LOC728743: variants seen among roughly 807,000 people sequenced by gnomAD.
chr7:150,409,547 G>A, the LOC728743 span, among the ~76,000 whole-genome samples: 35,208 of 152,194 alleles, frequency 0.23, 4,378 homozygotes, highest in East Asian at 0.41. Flanking sequence ...GGTACTTAGG[G>A]GTACAACAGG....
At chr7:150,410,993 G>C in the LOC728743 span, 1 of 152,226 alleles carries the variant, frequency 6.6e-6, no homozygotes, top group African/African-American at 2.4e-5. Context: ...CAGACCTAAC[G>C]AATGGTGCGT....
chr7:150,402,492 G>C, the LOC728743 span, among the ~76,000 whole-genome samples: 1 of 152,234 alleles, frequency 6.6e-6, no homozygotes, highest in Non-Finnish European at 1.5e-5. Flanking sequence ...GCTTGCAGAG[G>C]AGCATACCTT....
At chr7:150,411,114 A>C in the LOC728743 span, 2 of 152,278 alleles carry the variant, frequency 1.3e-5, no homozygotes, top group African/African-American at 4.8e-5. Context: ...GCTGGCTTCC[A>C]CAAAGGAGCC....
chr7:150,406,224 G>C, the LOC728743 span, among the ~76,000 whole-genome samples: 621 of 152,342 alleles, frequency 4.1e-3, 4 homozygotes, highest in African/African-American at 0.014. Context: ...GGTTGACTGA[G>C]GCTGGAAGTG....
chr7:150,403,716 G>T, the LOC728743 span, among the ~76,000 whole-genome samples: 3 of 152,194 alleles, frequency 2.0e-5, no homozygotes, highest in Admixed American at 1.3e-4. This position sits in a 1 kb window ranked among gnomAD's most constrained non-coding sequence, Gnocchi z 5.1. Flanking sequence ...TGTTTAAAAT[G>T]CCAATTTCCG....
At chr7:150,410,261 G>A in the LOC728743 span, 6 of 398,504 alleles carry the variant, frequency 1.5e-5, no homozygotes, top group East Asian at 1.1e-4. Context: ...CACTGCACCC[G>A]GGCATGAGGA....
the LOC728743 span, chr7:150,408,191 G>A: frequency 2.5e-6 from 1 of 392,482 alleles, no homozygotes; most frequent in Non-Finnish European, 4.5e-6. Context: ...CGGGCCCGAG[G>A]GCCAGGCGGC....
the LOC728743 span, among the ~76,000 whole-genome samples, chr7:150,408,917 G>T: frequency 6.6e-6 from 1 of 152,176 alleles, no homozygotes; most frequent in Non-Finnish European, 1.5e-5. Context: ...GACTGTGCCG[G>T]GCTGGGCTCT....
the LOC728743 span, chr7:150,407,562 G>A: frequency 2.5e-6 from 1 of 397,418 alleles, no homozygotes; most frequent in African/African-American, 2.1e-5. Flanking sequence ...CCCCACCCCC[G>A]CCCCCGCTTC....
chr7:150,404,777 T>A, the LOC728743 span: 6,373 of 152,478 alleles, frequency 0.042, 448 homozygotes, highest in African/African-American at 0.15. Flanking sequence ...CTCTGGTCAC[T>A]CTAGTGATAT....
the LOC728743 span, chr7:150,408,039 A>G: frequency 2.5e-6 from 1 of 395,824 alleles, no homozygotes; most frequent in Non-Finnish European, 4.5e-6. Flanking sequence ...CTCAACCACC[A>G]GCGCACCCAC....
chr7:150,409,140 A>AGGG, the LOC728743 span, among the ~76,000 whole-genome samples: 31 of 112,092 alleles, frequency 2.8e-4, no homozygotes, highest in African/African-American at 4.3e-4. Context: ...GGTGTTTTCA[A>AGGG]GGGAGGGGGG....
the LOC728743 span, among the ~76,000 whole-genome samples, chr7:150,402,018 G>A: frequency 6.6e-6 from 1 of 152,170 alleles, no homozygotes; most frequent in South Asian, 2.1e-4. Context: ...TTAAACCATA[G>A]GTCCTTGGGC....
At chr7:150,407,683 A>G in the LOC728743 span, 1 of 399,174 alleles carries the variant, frequency 2.5e-6, no homozygotes, top group Non-Finnish European at 4.4e-6. Flanking sequence ...GGGACGAGCG[A>G]GGCCTGGTCA....
At chr7:150,408,536 T>TG in the LOC728743 span, 1 of 238,036 alleles carries the variant, frequency 4.2e-6, no homozygotes, top group Non-Finnish European at 8.1e-6. Flanking sequence ...CTGGGAGTGG[T>TG]GGGGGTGGAG....
At chr7:150,408,656 A>G in the LOC728743 span, among the ~76,000 whole-genome samples, 1 of 152,232 alleles carries the variant, frequency 6.6e-6, no homozygotes, top group East Asian at 1.9e-4. Context: ...TCAGAGTTGA[A>G]AGAGACTTGG....
At chr7:150,410,468 C>A in the LOC728743 span, 1 of 348,822 alleles carries the variant, frequency 2.9e-6, no homozygotes, top group East Asian at 4.2e-5. Context: ...GGTGGTAGGA[C>A]GATGCCTGTG....
At chr7:150,410,089 C>T in the LOC728743 span, 1 of 398,650 alleles carries the variant, frequency 2.5e-6, no homozygotes, top group African/African-American at 2.1e-5. Context: ...CTCCTAGCCC[C>T]AGAGGGGTGG....
chr7:150,410,214 G>C, the LOC728743 span: 1 of 398,672 alleles, frequency 2.5e-6, no homozygotes. Context: ...ATCTGGACAC[G>C]GAGACCAGGA....
Sources: gnomAD v4.1 joint callset for allele counts (sites outside exome capture counted in the v4.1 genomes callset) on GRCh38, gnomAD v4.1.1 for gene constraint, Gnocchi (gnomAD v3.1) non-coding constraint, MANE v1.5 for transcripts.